Variants in SEPTIN9 observed in about 807,000 individuals in gnomAD.
SEPTIN9 encodes the protein septin-9.
A neutral mutation model predicts 56.6 loss-of-function variants in SEPTIN9; 13 were observed. The ratio of observed to expected loss-of-function variants is 0.23; its 90% CI spans 0.15 to 0.37. The LOEUF is 0.37. SEPTIN9 is among the 10% of genes least tolerant of loss of function. The pLI, the probability that SEPTIN9 is intolerant of heterozygous loss-of-function variation, is 1.00. For synonymous variants in SEPTIN9, 332 were observed against 334.1 expected, an observed-to-expected ratio of 0.99 and a Z score of 0.07; for missense variants, 650 against 823.1, an observed-to-expected ratio of 0.79 and a Z score of 2.57.
Position 77,498,532 on chromosome 17 carries a change from GCAGAA to G in SEPTIN9, c.1638_1642del (p.Gln546HisfsTer70), listed in dbSNP as rs1265039253. 1 of 1,513,034 alleles carries G rather than the reference GCAGAA, an allele frequency of 6.6e-7. No individual in the cohort carries two copies. The highest frequency in any genetic ancestry group is 8.9e-7 in the Non-Finnish European group (1 of 1,127,580). The allele number at this position is 1,513,034 out of a possible 1,614,324, so 93.7% of individuals were successfully genotyped here. On this transcript the variant is annotated frameshift_variant, in exon 12 of 12. Transcript: ENST00000427177. LOFTEE classifies it low-confidence loss of function (END_TRUNC). ...CCCCCCACCCCCACAGGACGCACATGCAGAACATCAAGGACATCACCAGCAGCATC... is the reference window on the plus strand; with the variant it reads ...CCCCCCACCCCCACAGGACGCACATGCATCAAGGACATCACCAGCAGCATC...
chr17:77,374,451 A>C (rs2034844631), intron 2 of SEPTIN9: 1 of 152,190 alleles, frequency 6.6e-6, no homozygotes, highest in Non-Finnish European at 1.5e-5. Flanking sequence ...GCGAAGGGGA[A>C]GCTCACACAA....
intron 3 of SEPTIN9, among the ~76,000 whole-genome samples, chr17:77,418,518 T>C (rs1166706539): frequency 6.6e-6 from 1 of 152,152 alleles, no homozygotes; most frequent in Non-Finnish European, 1.5e-5. Context: ...AGTTTTTGTA[T>C]TTTTAGCAGG....
intron 3 of SEPTIN9, among the ~76,000 whole-genome samples, chr17:77,427,899 A>G (rs887378221): frequency 6.6e-6 from 1 of 152,154 alleles, no homozygotes; most frequent in Non-Finnish European, 1.5e-5. Context: ...CCGCTTGCTC[A>G]TCATGTGCAA....
At chr17:77,374,466 C>T (rs374873602) in intron 2 of SEPTIN9, 2 of 152,280 alleles carry the variant, frequency 1.3e-5, no homozygotes, top group African/African-American at 4.8e-5. Context: ...ACACAATGGT[C>T]TCCAGCGCTC....
At chr17:77,315,381 A>T (rs1011832952) in intron 2 of SEPTIN9, among the ~76,000 whole-genome samples, 1 of 150,928 alleles carries the variant, frequency 6.6e-6, no homozygotes, top group Non-Finnish European at 1.5e-5. Flanking sequence ...TCCACCTCCC[A>T]GGTTCAAGCA....
intron 2 of SEPTIN9, among the ~76,000 whole-genome samples, chr17:77,396,209 G>T (rs2035707631): frequency 6.6e-6 from 1 of 152,292 alleles, no homozygotes; most frequent in African/African-American, 2.4e-5. Context: ...ACCTGGCTCC[G>T]CATCTTTCTG....
Position 77,380,554 on chromosome 17 carries a change from A to G in SEPTIN9, c.77-21505A>G, listed in dbSNP as rs537392710. 3.9e-5 allele frequency among the ~76,000 whole-genome samples: 6 copies of G among 152,044 alleles called. No individual in the cohort carries two copies. The South Asian group carries it at 8.3e-4, about 21-fold the overall frequency. ...TACATTGCAGTGCCCTCCTCCCCAC[A>G]TGGCATCGAATTTCCTGTGTCCTCA... On this transcript the variant is annotated intron_variant, in intron 2 of 11. Transcript: ENST00000427177.
intron 3 of SEPTIN9, among the ~76,000 whole-genome samples, chr17:77,419,149 C>T (rs983395026): frequency 3.9e-5 from 6 of 152,212 alleles, no homozygotes; most frequent in Non-Finnish European, 7.3e-5. Context: ...TGTGGGAACC[C>T]CCGAGGGGAG....
rs1333390050 is a variant in SEPTIN9 at position 77,499,484 on chromosome 17, T to C, written c.*826T>C. On this transcript the variant is annotated 3_prime_UTR_variant, in exon 12 of 12. Transcript: ENST00000427177. The stretch of plus-strand genomic sequence containing the variant: ...ACCCCTACCCCCTCATCCCCCAGTT[T>C]TGAAAAGGTCTAAGCAAGTGAGTCT... 5 of 507,084 alleles carry C rather than the reference T, an allele frequency of 9.9e-6. No homozygotes were observed. The highest frequency in any genetic ancestry group is 1.9e-5 in the Non-Finnish European group (5 of 260,512). 31.4% of individuals were successfully genotyped at this position (507,084 alleles called of 1,614,324 possible).
chr17:77,331,475 G>A (rs1036660798), intron 2 of SEPTIN9, among the ~76,000 whole-genome samples: 2 of 152,140 alleles, frequency 1.3e-5, no homozygotes, highest in Non-Finnish European at 2.9e-5. Context: ...GGCATTTCCC[G>A]TGCACCAGTG....
chr17:77,465,899 T>A (rs559513373), intron 3 of SEPTIN9, among the ~76,000 whole-genome samples: 2 of 152,058 alleles, frequency 1.3e-5, no homozygotes, highest in African/African-American at 4.8e-5. Context: ...GAAGTGACTT[T>A]TATTTTTCTG....
intron 2 of SEPTIN9, among the ~76,000 whole-genome samples, chr17:77,361,228 T>C (rs1261542512): frequency 2.0e-5 from 3 of 152,114 alleles, no homozygotes; most frequent in African/African-American, 7.2e-5. Context: ...TGGGCCTCTT[T>C]CGTTCTTTCT....
chr17:77,296,165 G>A (rs1368476885), intron 1 of SEPTIN9, among the ~76,000 whole-genome samples: 2 of 152,120 alleles, frequency 1.3e-5, no homozygotes, highest in African/African-American at 2.4e-5. Context: ...GAGGGGCCTC[G>A]CCGGGAACTA....
chr17:77,312,309 G>T, intron 2 of SEPTIN9, among the ~76,000 whole-genome samples: 1 of 152,132 alleles, frequency 6.6e-6, no homozygotes, highest in East Asian at 1.9e-4. Context: ...TACTCATAGA[G>T]CCCTTAGTTT....
chr17:77,441,946 G>A (rs756510110), intron 3 of SEPTIN9, among the ~76,000 whole-genome samples: 1 of 152,210 alleles, frequency 6.6e-6, no homozygotes, highest in Non-Finnish European at 1.5e-5. Context: ...TTGTAGCGGG[G>A]AAGAAATACA....
chr17:77,406,299 GCCCTGACCTCCTGAA>G (rs1257537049), intron 3 of SEPTIN9, among the ~76,000 whole-genome samples: 1 of 152,064 alleles, frequency 6.6e-6, no homozygotes, highest in Non-Finnish European at 1.5e-5. Context: ...CAACCCCTTT[GCCCTGACCTCCTGAA>G]CCCTGACCTC....
In SEPTIN9 at chr17:77,371,170, T is replaced by C. The variant is rs1487042463; in HGVS notation, c.77-30889T>C. Among the ~76,000 whole-genome samples the C allele has an allele frequency of 6.6e-6, 1 of 152,162 alleles. No homozygotes were observed. Among genetic ancestry groups the C allele is most frequent in the African/African-American group, 2.4e-5 (1 of 41,426 alleles). ...CTTACCTGGAGGTTTCTAGGCCTGG[T>C]CATGTGGCTCTGAGTGATTACATTG... On this transcript the variant is annotated intron_variant, in intron 2 of 11. Coordinates refer to ENST00000427177, the MANE Select transcript of SEPTIN9 (RefSeq NM_001113491.2). The surrounding 1 kb of genome is among the most constrained non-coding windows in gnomAD (Gnocchi z 4.1).
chr17:77,454,453 C>G (rs1297430575), intron 3 of SEPTIN9: 1 of 841,176 alleles, frequency 1.2e-6, no homozygotes, highest in African/African-American at 1.8e-5. Context: ...GTCCGCTGTA[C>G]GTGTGAGTTT....
intron 3 of SEPTIN9, among the ~76,000 whole-genome samples, chr17:77,479,439 G>A (rs1046755101): frequency 1.3e-5 from 2 of 152,246 alleles, no homozygotes; most frequent in African/African-American, 2.4e-5. Context: ...GTGCGTGCCT[G>A]CCTGCGGGCC....
Sources: allele counts gnomAD v4.1 joint callset (sites outside exome capture counted in the v4.1 genomes callset), GRCh38; gene constraint gnomAD v4.1.1; non-coding constraint Gnocchi (gnomAD v3.1); transcripts MANE v1.5; gene names NCBI Gene and HGNC (gene_info 2026-07-23, HGNC 2026-07-21).